Variants in CTC1 observed in about 807,000 individuals in gnomAD.
CTC1 encodes the protein CST telomere replication complex component 1.
In CTC1, 91 loss-of-function variants were observed where a neutral mutation model predicts 136.3. The ratio of observed to expected loss-of-function variants is 0.67; its 90% CI spans 0.56 to 0.79. The LOEUF (loss-of-function observed/expected upper bound fraction) is 0.79. Among genes scored for constraint, CTC1 ranks in the 30% least tolerant of loss-of-function variants. The pLI is 0.00. For synonymous variants in CTC1, 606 were observed against 613.8 expected (o/e 0.99, Z 0.19); for missense variants, 1,432 against 1,498.1 (o/e 0.96, Z 0.73).
chr17:8,233,242 C>T, intron 10 of CTC1: 1 of 556,624 alleles, frequency 1.8e-6, no homozygotes, highest in South Asian at 2.1e-5. Context: ...AGAAAGCGCA[C>T]AAATAGAGGT....
In CTC1 at chr17:8,232,127, C is replaced by T. The variant is rs771821232; in HGVS notation, c.2161G>A (p.Gly721Ser). 5.2e-6 allele frequency: 8 copies of T among 1,529,770 alleles called. No individual in the cohort carries two copies. Among genetic ancestry groups the T allele is most frequent in the South Asian group, 3.9e-5 (3 of 76,074 alleles). The allele number at this position is 1,529,770 out of a possible 1,614,324, so 94.8% of individuals were successfully genotyped here. A position where few individuals can be genotyped will look rare whatever the true frequency, so the allele number is the denominator to read the frequency against. The change falls in exon 13 of 23, where the codon GGC becomes AGC. Residue 721 changes from glycine to serine, a missense_variant. Physicochemically the swap from Gly to Ser is moderately conservative, Grantham distance 56. Coordinates refer to ENST00000651323, the MANE Select transcript of CTC1 (RefSeq NM_025099.6). The part of the protein sequence containing the change: ...TPSTPQTDPT[G>S]PEGPHLGQSR... ...TGTCCTAGGTGGGGTCCCTCTGGGC[C>T]GGTGGGATCTGTCTGAGGTGTTGAG...
chr17:8,243,170 A>G (rs757054574), intron 1 of CTC1, 22 bp from the exon 2 acceptor site: 6 of 1,607,040 alleles, frequency 3.7e-6, no homozygotes, highest in Non-Finnish European at 5.1e-6. Flanking sequence ...GAATTTAGTT[A>G]AAACATCTTG....
intron 1 of CTC1, among the ~76,000 whole-genome samples, chr17:8,246,965 C>CCTATTTATTTAT (rs1988775457): frequency 7.1e-6 from 1 of 141,402 alleles, no homozygotes; most frequent in South Asian, 2.4e-4. Context: ...TTCTTAACAT[C>CCTATTTATTTAT]TTATTTATTT....
At position 8,230,476 on chromosome 17, in the gene CTC1, A is replaced by G; in HGVS notation, c.2759-8T>C. On this transcript the variant is annotated splice_polypyrimidine_tract_variant and splice_region_variant and intron_variant, in intron 16 of 22. Transcript: ENST00000651323. ...TCATGGCCCCCGTGTTCCCTATAGA[A>G]GGAAGGTGGGTGTTAGTAGGATCTG... 6.2e-7 allele frequency: 1 copy of G among 1,613,824 alleles called. No homozygotes were observed. The highest frequency in any genetic ancestry group is 8.5e-7 in the Non-Finnish European group (1 of 1,179,770).
intron 10 of CTC1, 56 bp downstream of exon 10, chr17:8,234,399 G>C: frequency 6.8e-7 from 1 of 1,476,682 alleles, no homozygotes; most frequent in Non-Finnish European, 9.3e-7. Flanking sequence ...CTAGAGTCGT[G>C]GCAATAAGGA....
At chr17:8,235,999 C>T in intron 6 of CTC1, 40 bp from the exon 7 acceptor site, 4 of 1,599,468 alleles carry the variant, frequency 2.5e-6, no homozygotes, top group Non-Finnish European at 3.4e-6. Context: ...CTATTTTCTT[C>T]CTCTTTGAAA....
chr17:8,238,636 A>T lies in CTC1; in HGVS notation c.198-7T>A. On this transcript the variant is annotated splice_polypyrimidine_tract_variant and splice_region_variant and intron_variant, in intron 2 of 22. Coordinates refer to ENST00000651323, the MANE Select transcript of CTC1 (RefSeq NM_025099.6). ...GTCCTGTACTGAGACGAAGCTGTAG[A>T]GTGAAGGGAACAGAGGTCCTGCAAA... 6.3e-7 allele frequency: 1 copy of T among 1,581,708 alleles called. No homozygotes were observed. Among genetic ancestry groups the T allele is most frequent in the South Asian group, 1.2e-5 (1 of 86,230 alleles).
At chr17:8,243,242 G>T in intron 1 of CTC1, 94 bp from the exon 2 acceptor site, 1 of 1,220,386 alleles carries the variant, frequency 8.2e-7, no homozygotes, top group Non-Finnish European at 1.1e-6. Flanking sequence ...TATCCGGGCC[G>T]GGTGCGGTGG....
chr17:8,228,889 G>A lies in CTC1; in HGVS notation c.3225C>T (p.Leu1075=). The A allele has an allele frequency of 6.2e-7, 1 of 1,612,052 alleles. No homozygotes were observed. The change falls in exon 21 of 23, where the codon CTC becomes CTT. Residue 1075 remains leucine (L), a synonymous_variant. Transcript: ENST00000651323. The part of the protein sequence containing the change: ...QTAISQAIIR[L]LVEDGTAEAV... The stretch of plus-strand genomic sequence containing the variant: ...CTTCGGCAGTCCCATCCTCCACCAG[G>A]AGCCTATGGGGAGCAGGAGGAAATA...
At chr17:8,242,116 G>A (rs1332299272) in intron 2 of CTC1, among the ~76,000 whole-genome samples, 1 of 151,770 alleles carries the variant, frequency 6.6e-6, no homozygotes, top group African/African-American at 2.4e-5. Context: ...TGCAACCTCC[G>A]CCTCCCGGGT....
chr17:8,235,410 T>C, intron 7 of CTC1, 125 bp from the exon 8 acceptor site: 1 of 699,682 alleles, frequency 1.4e-6, no homozygotes, highest in South Asian at 1.8e-5. Context: ...TTCTCCCACG[T>C]GGGCTGGCCT....
At chr17:8,230,763 T>TA in intron 15 of CTC1, 112 bp from the exon 16 acceptor site, 1 of 878,540 alleles carries the variant, frequency 1.1e-6, no homozygotes, top group Non-Finnish European at 1.8e-6. Context: ...ACTTCATATA[T>TA]AAAGTCCTGA....
At chr17:8,228,443 C>T in intron 22 of CTC1, 60 bp downstream of exon 22, 1 of 1,612,482 alleles carries the variant, frequency 6.2e-7, no homozygotes, top group Non-Finnish European at 8.5e-7. Flanking sequence ...TCCCAGGGAC[C>T]CATCTATCTC....
At chr17:8,232,853 C>T in intron 11 of CTC1, 53 bp downstream of exon 11, 1 of 1,599,180 alleles carries the variant, frequency 6.3e-7, no homozygotes, top group Non-Finnish European at 8.5e-7. Flanking sequence ...GCTCCCCTGG[C>T]TATGAGAACC....
intron 2 of CTC1, among the ~76,000 whole-genome samples, chr17:8,239,783 C>T (rs944430405): frequency 6.6e-6 from 1 of 152,128 alleles, no homozygotes; most frequent in Non-Finnish European, 1.5e-5. Context: ...AATTAATCCT[C>T]CCTGTTGGAC....
intron 4 of CTC1, 69 bp from the exon 5 acceptor site, chr17:8,237,588 C>T: frequency 7.5e-7 from 1 of 1,342,248 alleles, no homozygotes; most frequent in Non-Finnish European, 1.0e-6. Context: ...TCACTTGAAC[C>T]TGAAAGGCAG....
chr17:8,244,066 C>A (rs1224925568), intron 1 of CTC1, among the ~76,000 whole-genome samples: 3 of 152,014 alleles, frequency 2.0e-5, no homozygotes, highest in Non-Finnish European at 2.9e-5. Flanking sequence ...GAGACACTGT[C>A]TCAAAAAAAC....
Position 8,235,859 on chromosome 17 carries a change from C to T in CTC1, c.1178G>A (p.Arg393Gln), listed in dbSNP as rs755414520. ...CAGACACACTCCAGGTCGCATCACC[C>T]GCCTAAGGCCACGGAACTGCTGGTA... Reference protein sequence around the residue: ...LAYQQFRGLRRVMRPGVCLQL... With the variant: ...LAYQQFRGLRQVMRPGVCLQL... The change falls in exon 7 of 23, where the codon CGG becomes CAG. Residue 393 changes from arginine (R) to glutamine (Q), a missense_variant. By Grantham distance (43) the Arg-to-Gln change is conservative. Transcript: ENST00000651323. The T allele has an allele frequency of 9.9e-6, 16 of 1,613,124 alleles. No homozygotes were observed. The highest frequency in any genetic ancestry group is 4.0e-5 in the African/African-American group (3 of 74,912).
rs745645742 is a variant in CTC1 at position 8,228,470 on chromosome 17, CT to C, written c.3514+32del. On this transcript the variant is annotated intron_variant, in intron 22 of 22. Transcript: ENST00000651323. The stretch of plus-strand genomic sequence containing the variant: ...ATCTATCTCTATCACCATGATCCCC[CT>C]ATCATCATGATCCCCCCGTCTCCAA... The C allele has an allele frequency of 9.9e-6, 16 of 1,613,924 alleles. No homozygotes were observed. In the South Asian group the frequency reaches 1.4e-4, roughly 14 times the overall value.
Sources: gnomAD v4.1 joint callset for allele counts (sites outside exome capture counted in the v4.1 genomes callset) on GRCh38, gnomAD v4.1.1 for gene constraint, MANE v1.5 for transcripts, NCBI Gene and HGNC (gene_info 2026-07-23, HGNC 2026-07-21) for gene names.